Variants in MTA3 observed in about 807,000 individuals in gnomAD.
MTA3 encodes metastasis associated 1 family member 3.
MTA3 carries 34 observed loss-of-function variants against 83.5 expected under a neutral mutation model. That is an observed-to-expected ratio of 0.41 (90% CI 0.31 to 0.54). The LOEUF (loss-of-function observed/expected upper bound fraction) is 0.54, where lower values mean the gene tolerates loss of function less well. Among genes scored for constraint, MTA3 ranks in the 20% least tolerant of loss-of-function variants. MTA3 has a pLI of 0.33. For synonymous variants in MTA3, 303 were observed against 252.7 expected (o/e 1.20, Z -1.89); for missense variants, 761 against 726.4 (o/e 1.05, Z -0.55).
intron 3 of MTA3, among the ~76,000 whole-genome samples, chr2:42,598,563 A>G (rs1682134256): frequency 1.3e-5 from 2 of 152,312 alleles, no homozygotes; most frequent in South Asian, 2.1e-4. Flanking sequence ...CTGGATTAGT[A>G]TCCTGTCCTC....
At chr2:42,724,277 A>AAAACACACACACAC (rs1553396460) in intron 16 of MTA3, among the ~76,000 whole-genome samples, 35 of 73,176 alleles carry the variant, frequency 4.8e-4, no homozygotes, top group African/African-American at 1.9e-3. Context: ...AGTCCTGAAA[A>AAAACACACACACAC]ACACACACAC....
chr2:42,582,881 A>AT (rs1679829967), intron 3 of MTA3, among the ~76,000 whole-genome samples: 1 of 151,910 alleles, frequency 6.6e-6, no homozygotes, highest in African/African-American at 2.4e-5. Context: ...TTTTTCTTTC[A>AT]TTTTTTTCCC....
intron 7 of MTA3, among the ~76,000 whole-genome samples, chr2:42,659,246 T>C (rs1449204370): frequency 6.6e-6 from 1 of 152,218 alleles, no homozygotes; most frequent in Non-Finnish European, 1.5e-5. Flanking sequence ...ATCATTAAAA[T>C]CAGCATTATG....
chr2:42,535,125 G>C (rs1420556663), intron 2 of MTA3, among the ~76,000 whole-genome samples: 1 of 151,930 alleles, frequency 6.6e-6, no homozygotes, highest in Non-Finnish European at 1.5e-5. Context: ...GGTGGCTCAC[G>C]CCTGTAATCC....
intron 3 of MTA3, among the ~76,000 whole-genome samples, chr2:42,581,605 A>G (rs545321596): frequency 6.6e-6 from 1 of 151,364 alleles, no homozygotes; most frequent in Non-Finnish European, 1.5e-5. Context: ...TGGGTCTCAA[A>G]CTATTGGCCT....
At chr2:42,690,342 G>A (rs1449648221) in intron 9 of MTA3, among the ~76,000 whole-genome samples, 1 of 151,932 alleles carries the variant, frequency 6.6e-6, no homozygotes, top group East Asian at 1.9e-4. Context: ...TTCTTTTTCA[G>A]TACTGTAAAG....
intron 11 of MTA3, among the ~76,000 whole-genome samples, chr2:42,700,874 GAAGAC>G (rs2104484505): frequency 1.3e-5 from 2 of 152,284 alleles, no homozygotes; most frequent in South Asian, 2.1e-4. Flanking sequence ...GCTGAGGCAG[GAAGAC>G]TGCTTGAAGC....
chr2:42,621,981 C>G (rs1213977317), intron 4 of MTA3, among the ~76,000 whole-genome samples: 48 of 152,184 alleles, frequency 3.2e-4, no homozygotes, highest in African/African-American at 1.1e-3. Context: ...GGCAGAGACG[C>G]TCCTCACTTC....
chr2:42,727,993 C>T lies in MTA3; in HGVS notation c.1759+4958C>T, dbSNP rs538021685. Among the ~76,000 whole-genome samples the T allele has an allele frequency of 6.6e-5, 10 of 152,092 alleles. No homozygotes were observed. The South Asian group carries it at 1.0e-3, about 16-fold the overall frequency. On this transcript the variant is annotated intron_variant, in intron 16 of 16. Coordinates refer to ENST00000405094, the MANE Select transcript of MTA3 (RefSeq NM_001330442.2). The stretch of plus-strand genomic sequence containing the variant: ...ACTCTTTTAGTTATTTTAACATGTA[C>T]GATAAATTATTGTTGCTGTAGTCAC...
At chr2:42,640,370 T>C (rs564752417) in intron 5 of MTA3, 134 bp downstream of exon 5, 18 of 648,362 alleles carry the variant, frequency 2.8e-5, no homozygotes, top group Non-Finnish European at 4.0e-5. Context: ...AGTAAAAGTA[T>C]AGTGACTAGA....
intron 2 of MTA3, among the ~76,000 whole-genome samples, chr2:42,498,169 A>G (rs933929212): frequency 6.6e-6 from 1 of 152,060 alleles, no homozygotes; most frequent in Non-Finnish European, 1.5e-5. Flanking sequence ...GTTAATTCAT[A>G]TTTTTCAATG....
chr2:42,645,933 C>G (rs1027193596), intron 6 of MTA3, among the ~76,000 whole-genome samples: 7 of 152,206 alleles, frequency 4.6e-5, no homozygotes, highest in African/African-American at 1.2e-4. Flanking sequence ...AAGATGCCAT[C>G]TAGGACTTTC....
intron 9 of MTA3, among the ~76,000 whole-genome samples, chr2:42,687,866 C>G (rs1193232398): frequency 1.3e-5 from 2 of 152,122 alleles, no homozygotes; most frequent in Admixed American, 1.3e-4. Context: ...TCCCTAGGAT[C>G]CCCCTTCTTC....
At chr2:42,507,998 C>A (rs1674716332) in intron 2 of MTA3, among the ~76,000 whole-genome samples, 1 of 151,932 alleles carries the variant, frequency 6.6e-6, no homozygotes, top group South Asian at 2.1e-4. Context: ...GAGCATGTAG[C>A]ATTCTACCAG....
intron 3 of MTA3, among the ~76,000 whole-genome samples, chr2:42,583,254 A>G (rs79327229): frequency 1.8e-4 from 27 of 152,276 alleles, no homozygotes; most frequent in African/African-American, 6.0e-4. Flanking sequence ...GATTACTTCT[A>G]TGTACATTAT....
intron 8 of MTA3, among the ~76,000 whole-genome samples, chr2:42,680,844 C>G (rs935256875): frequency 3.9e-5 from 6 of 152,084 alleles, no homozygotes; most frequent in African/African-American, 1.2e-4. Flanking sequence ...CTCGACCTCC[C>G]TGGGCTGAAG....
At chr2:42,538,334 T>C (rs1447893897) in intron 2 of MTA3, among the ~76,000 whole-genome samples, 1 of 152,176 alleles carries the variant, frequency 6.6e-6, no homozygotes. Context: ...GGGTGATAGC[T>C]ATATGGGTGT....
intron 2 of MTA3, among the ~76,000 whole-genome samples, chr2:42,526,079 T>C (rs1211659356): frequency 6.6e-6 from 1 of 152,086 alleles, no homozygotes; most frequent in African/African-American, 2.4e-5. Flanking sequence ...CACAGCCAGG[T>C]AACCCCACCT....
In MTA3 at chr2:42,536,788, G is replaced by A. The variant is rs577887454; in HGVS notation, c.-140-33649G>A. ...GCAGGAGAATGGCGTGAACCCGGGA[G>A]GCAGAGCTTGCAGTGAGCCAAGATT... On this transcript the variant is annotated intron_variant, in intron 2 of 17. Coordinates refer to the MTA3 transcript ENST00000405592. 2.0e-5 allele frequency among the ~76,000 whole-genome samples: 3 copies of A among 150,220 alleles called. No individual in the cohort carries two copies. In the Admixed American group the frequency reaches 2.0e-4, roughly 10 times the overall value.
Sources: allele counts gnomAD v4.1 joint callset (sites outside exome capture counted in the v4.1 genomes callset), GRCh38; gene constraint gnomAD v4.1.1; transcripts MANE v1.5; gene names NCBI Gene and HGNC (gene_info 2026-07-23, HGNC 2026-07-21).